Variants in CLCN3 observed in about 807,000 individuals in gnomAD.
CLCN3 encodes the protein H(+)/Cl(-) exchange transporter 3.
Under a neutral mutation model 83.4 loss-of-function variants are expected in CLCN3, and 16 were observed. The observed-to-expected ratio is 0.19, with a 90% CI of 0.13 to 0.29. The LOEUF is 0.29. Ranked by LOEUF, CLCN3 falls within the 10% of genes least tolerant of loss-of-function variation. CLCN3 has a pLI of 1.00. For synonymous variants in CLCN3, 322 were observed against 346.2 expected, an observed-to-expected ratio of 0.93 and a Z score of 0.78; for missense variants, 544 against 1,006.0, an observed-to-expected ratio of 0.54 and a Z score of 6.21.
intron 8 of CLCN3, 56 bp downstream of exon 8, chr4:169,695,748 T>G (rs1581260551): frequency 1.7e-6 from 2 of 1,194,068 alleles, no homozygotes; most frequent in Non-Finnish European, 2.4e-6. Flanking sequence ...TACAAATATA[T>G]TTCACACATT....
intron 2 of CLCN3, among the ~76,000 whole-genome samples, chr4:169,671,269 A>G (rs1490759779): frequency 1.3e-5 from 2 of 152,228 alleles, no homozygotes; most frequent in Non-Finnish European, 2.9e-5. Flanking sequence ...ATGCAGCCAT[A>G]AAAAAGAATG....
At chr4:169,664,847 G>T (rs780037369) in intron 2 of CLCN3, among the ~76,000 whole-genome samples, 1 of 152,154 alleles carries the variant, frequency 6.6e-6, no homozygotes, top group African/African-American at 2.4e-5. Flanking sequence ...ATTTCCTGCC[G>T]CATTGATTAA....
chr4:169,623,576 T>C (rs1286875149), intron 1 of CLCN3, among the ~76,000 whole-genome samples: 3 of 152,194 alleles, frequency 2.0e-5, no homozygotes, highest in African/African-American at 7.2e-5. Context: ...TATTATTAAT[T>C]ATAGTCACCG....
chr4:169,706,802 A>T, intron 10 of CLCN3, 66 bp from the exon 11 acceptor site: 2 of 1,433,482 alleles, frequency 1.4e-6, no homozygotes, highest in Middle Eastern at 1.8e-4. Context: ...CTAGTGCAAA[A>T]ATTCTAATAA....
intron 1 of CLCN3, among the ~76,000 whole-genome samples, chr4:169,632,871 CTT>C (rs1259351243): frequency 6.6e-6 from 1 of 151,784 alleles, no homozygotes; most frequent in East Asian, 1.9e-4. Flanking sequence ...TATGAGCAAA[CTT>C]ACTTTTTGGA....
At chr4:169,693,898 C>T (rs1330400779) in intron 7 of CLCN3, among the ~76,000 whole-genome samples, 4 of 152,060 alleles carry the variant, frequency 2.6e-5, no homozygotes, top group Non-Finnish European at 5.9e-5. Flanking sequence ...CAAGAATTCA[C>T]GGTTAGTTGA....
At chr4:169,650,878 A>G (rs1730712290) in intron 2 of CLCN3, among the ~76,000 whole-genome samples, 1 of 152,118 alleles carries the variant, frequency 6.6e-6, no homozygotes, top group African/African-American at 2.4e-5. Flanking sequence ...AGACTGCCCA[A>G]ATTTGTGCGT....
At chr4:169,711,569 C>T (rs1019536603) in intron 11 of CLCN3, among the ~76,000 whole-genome samples, 4 of 152,204 alleles carry the variant, frequency 2.6e-5, no homozygotes, top group South Asian at 2.1e-4. Flanking sequence ...AGGCTGGTCT[C>T]GAACTCCTGA....
intron 11 of CLCN3, 50 bp from the exon 12 acceptor site, chr4:169,713,029 C>T: frequency 7.1e-7 from 1 of 1,403,672 alleles, no homozygotes; most frequent in Non-Finnish European, 1.0e-6. Flanking sequence ...AGGTTGCCTA[C>T]TTAAAAATCT....
chr4:169,675,731 T>C (rs1040620701), intron 2 of CLCN3, among the ~76,000 whole-genome samples: 3 of 152,160 alleles, frequency 2.0e-5, no homozygotes, highest in Admixed American at 6.5e-5. Flanking sequence ...AAATGTTTCT[T>C]TGTTTATGTA....
chr4:169,695,113 G>A (rs1190611605), intron 7 of CLCN3, among the ~76,000 whole-genome samples: 1 of 152,114 alleles, frequency 6.6e-6, no homozygotes, highest in Non-Finnish European at 1.5e-5. Context: ...TAGTATTTTA[G>A]CAGTATTTCA....
intron 1 of CLCN3, among the ~76,000 whole-genome samples, chr4:169,631,458 T>G (rs1773368105): frequency 1.3e-5 from 2 of 151,860 alleles, no homozygotes; most frequent in Admixed American, 1.3e-4. Context: ...GGCTAATTTT[T>G]TTTGTATTTT....
At chr4:169,696,820 T>C (rs28434462) in intron 8 of CLCN3, among the ~76,000 whole-genome samples, 6 of 107,674 alleles carry the variant, frequency 5.6e-5, no homozygotes, top group African/African-American at 3.8e-4. Context: ...ATTCTTTTTT[T>C]TTTTTTAATG....
chr4:169,655,634 G>A lies in CLCN3; in HGVS notation c.160+19546G>A, dbSNP rs990817003. The stretch of plus-strand genomic sequence containing the variant: ...TTCAGCCTCCTGCGTAGCTAGGACC[G>A]CAGGCATGTGCCACTATGTCCAGCT... On this transcript the variant is annotated intron_variant, in intron 2 of 12. Coordinates refer to ENST00000513761, the MANE Select transcript of CLCN3 (RefSeq NM_001829.4). Among the ~76,000 whole-genome samples the A allele has an allele frequency of 2.0e-5, 3 of 152,204 alleles. No homozygotes were observed. In the East Asian group the frequency reaches 5.8e-4, roughly 29 times the overall value.
chr4:169,639,727 T>C (rs546552541), intron 2 of CLCN3, among the ~76,000 whole-genome samples: 1 of 152,320 alleles, frequency 6.6e-6, no homozygotes, highest in South Asian at 2.1e-4. Context: ...AAAAAACTTA[T>C]TTCTGTTTCT....
In CLCN3 at chr4:169,656,066, CT is replaced by C. The variant is rs376782821; in HGVS notation, c.160+19990del. 8.1e-3 allele frequency among the ~76,000 whole-genome samples: 1,184 copies of C among 145,650 alleles called. 11 individuals carry two copies. Among genetic ancestry groups the C allele is most frequent in the Non-Finnish European group, 0.013 (828 of 65,798 alleles). ...GTCCCCCAGAAAAGCTTTGCTGTAT[CT>C]TTTTTTTTTTTCTCTGATGCATTTT... On this transcript the variant is annotated intron_variant, in intron 2 of 12. Transcript: ENST00000513761.
At chr4:169,687,582 G>A in intron 3 of CLCN3, 76 bp from the exon 4 acceptor site, 2 of 964,994 alleles carry the variant, frequency 2.1e-6, no homozygotes, top group African/African-American at 1.7e-5. Context: ...TGGTAAATGA[G>A]AAAAATTGCT....
intron 1 of CLCN3, among the ~76,000 whole-genome samples, chr4:169,627,457 T>C (rs1773264027): frequency 6.6e-6 from 1 of 152,200 alleles, no homozygotes; most frequent in Non-Finnish European, 1.5e-5. Context: ...TACCATATTG[T>C]TGTTACTTGT....
At chr4:169,670,903 C>G (rs550943722) in intron 2 of CLCN3, among the ~76,000 whole-genome samples, 1 of 152,162 alleles carries the variant, frequency 6.6e-6, no homozygotes, top group Non-Finnish European at 1.5e-5. Flanking sequence ...GAGATGTCAT[C>G]TCATGCCAGT....
Sources: allele counts gnomAD v4.1 joint callset (sites outside exome capture counted in the v4.1 genomes callset), GRCh38; gene constraint gnomAD v4.1.1; transcripts MANE v1.5; gene names NCBI Gene and HGNC (gene_info 2026-07-23, HGNC 2026-07-21).